LRRC28: variants seen among roughly 807,000 people sequenced by gnomAD.
LRRC28 encodes leucine rich repeat containing 28, also known as leucine-rich repeat-containing protein 28.
LRRC28 carries 39 observed loss-of-function variants against 45.7 expected under a neutral mutation model. That is an observed-to-expected ratio of 0.85 (90% CI 0.66 to 1.12). The LOEUF (loss-of-function observed/expected upper bound fraction) is 1.12, where lower values mean the gene tolerates loss of function less well. Among genes scored for constraint, LRRC28 ranks in the 50% most tolerant of loss-of-function variants. LRRC28 has a pLI of 0.00. For synonymous variants in LRRC28, 206 were observed against 178.8 expected, an observed-to-expected ratio of 1.15 and a Z score of -1.22; for missense variants, 435 against 438.5, an observed-to-expected ratio of 0.99 and a Z score of 0.07.
At chr15:99,366,395 C>G (rs1199671842) in intron 9 of LRRC28, among the ~76,000 whole-genome samples, 3 of 152,144 alleles carry the variant, frequency 2.0e-5, no homozygotes, top group African/African-American at 7.2e-5. Context: ...CTCATCTTAC[C>G]TAACTATTAT....
At chr15:99,381,539 G>A (rs1175576338) in intron 9 of LRRC28, among the ~76,000 whole-genome samples, 1 of 152,230 alleles carries the variant, frequency 6.6e-6, no homozygotes, top group Non-Finnish European at 1.5e-5. Context: ...ACTCGTCAAA[G>A]TCATTCTCCA....
intron 5 of LRRC28, among the ~76,000 whole-genome samples, chr15:99,292,558 GT>G: frequency 6.6e-6 from 1 of 151,756 alleles, no homozygotes; most frequent in South Asian, 2.1e-4. Context: ...TAGAGACGGG[GT>G]TTCACCTTGT....
intron 5 of LRRC28, among the ~76,000 whole-genome samples, chr15:99,302,493 A>G (rs1054841126): frequency 1.3e-5 from 2 of 152,110 alleles, no homozygotes; most frequent in South Asian, 2.1e-4. Flanking sequence ...GGTTCAAGCA[A>G]TTCTCCTGCC....
At chr15:99,288,894 A>T (rs988894034) in intron 5 of LRRC28, among the ~76,000 whole-genome samples, 1 of 151,490 alleles carries the variant, frequency 6.6e-6, no homozygotes, top group Non-Finnish European at 1.5e-5. Context: ...TGGCTAGGCT[A>T]GTCTCAAACT....
At chr15:99,282,177 G>T (rs187800807) in intron 3 of LRRC28, among the ~76,000 whole-genome samples, 9,960 of 98,632 alleles carry the variant, frequency 0.1, 962 homozygotes, top group East Asian at 0.33. Context: ...ATTTTTGGAG[G>T]TTTTTTTTTT....
intron 3 of LRRC28, chr15:99,285,052 A>G: frequency 1.5e-6 from 1 of 663,064 alleles, no homozygotes. Context: ...GGCTTTCCTG[A>G]CTTCACAGTT....
chr15:99,258,040 G>C, intron 2 of LRRC28: 1 of 1,251,408 alleles, frequency 8.0e-7, no homozygotes, highest in East Asian at 2.3e-5. Flanking sequence ...AGTGTGATAA[G>C]GTGAAGAACC....
rs183922308 is a variant in LRRC28, at chr15:99,358,753, A to G, written c.696-2583A>G. Among the ~76,000 whole-genome samples the G allele has an allele frequency of 3.9e-5, 6 of 152,266 alleles. No individual in the cohort carries two copies. In the East Asian group the frequency reaches 1.2e-3, roughly 29 times the overall value. On this transcript the variant is annotated intron_variant, in intron 7 of 9. Coordinates refer to ENST00000301981, the MANE Select transcript of LRRC28 (RefSeq NM_144598.5). The stretch of plus-strand genomic sequence containing the variant: ...AAAAAGCTATGTCCTATTTTATATT[A>G]TATAACCAAGTAAGACAAATAGATA...
At chr15:99,291,475 C>A (rs1021344073) in intron 5 of LRRC28, among the ~76,000 whole-genome samples, 4 of 152,126 alleles carry the variant, frequency 2.6e-5, no homozygotes, top group Non-Finnish European at 5.9e-5. Context: ...AAGCACACGT[C>A]CCCTAAATGC....
chr15:99,339,207 T>A (rs187330683), intron 6 of LRRC28, among the ~76,000 whole-genome samples: 2 of 152,348 alleles, frequency 1.3e-5, no homozygotes, highest in Admixed American at 1.3e-4. Flanking sequence ...ATTGCATAAT[T>A]AATAAGTCCA....
chr15:99,298,463 T>C (rs557171177), intron 5 of LRRC28, among the ~76,000 whole-genome samples: 84 of 152,198 alleles, frequency 5.5e-4, no homozygotes, highest in Non-Finnish European at 1.0e-3. Flanking sequence ...ACTTCCAGGA[T>C]GCTCTCTCTC....
At chr15:99,357,954 A>C (rs1376794560) in intron 7 of LRRC28, among the ~76,000 whole-genome samples, 1 of 152,144 alleles carries the variant, frequency 6.6e-6, no homozygotes, top group Non-Finnish European at 1.5e-5. Context: ...CCATCTGTCT[A>C]ATGCAATAAG....
intron 5 of LRRC28, among the ~76,000 whole-genome samples, chr15:99,299,786 A>C (rs555345472): frequency 4.6e-5 from 7 of 152,358 alleles, no homozygotes; most frequent in Admixed American, 3.9e-4. Flanking sequence ...TTTTATTAAA[A>C]ATTGACATTT....
chr15:99,319,077 A>T (rs1033764609), intron 5 of LRRC28, among the ~76,000 whole-genome samples: 7 of 152,146 alleles, frequency 4.6e-5, no homozygotes, highest in South Asian at 2.1e-4. Flanking sequence ...TAAAATAGAG[A>T]TTACTTTTAC....
At chr15:99,346,291 C>T (rs143037414) in intron 6 of LRRC28, among the ~76,000 whole-genome samples, 329 of 152,350 alleles carry the variant, frequency 2.2e-3, no homozygotes, top group African/African-American at 7.3e-3. Flanking sequence ...ATCTTTCTGC[C>T]TCAGCCTCCT....
intron 1 of LRRC28, 79 bp from the exon 2 acceptor site, chr15:99,255,819 G>C: frequency 1.3e-6 from 1 of 761,388 alleles, no homozygotes; most frequent in East Asian, 2.9e-5. Flanking sequence ...TCTTCAAGTG[G>C]CTCTGTGTGC....
intron 9 of LRRC28, among the ~76,000 whole-genome samples, chr15:99,382,872 C>A (rs951137998): frequency 6.6e-6 from 1 of 151,882 alleles, no homozygotes; most frequent in South Asian, 2.1e-4. Flanking sequence ...TCTAGTATAT[C>A]AGTTGCTGAG....
At chr15:99,377,945 T>A (rs892585673) in intron 9 of LRRC28, among the ~76,000 whole-genome samples, 4 of 152,108 alleles carry the variant, frequency 2.6e-5, no homozygotes, top group Non-Finnish European at 5.9e-5. Flanking sequence ...GGTTACTATA[T>A]CCTTGTATTA....
chr15:99,356,511 G>A (rs1210024190), intron 7 of LRRC28, among the ~76,000 whole-genome samples: 1 of 152,108 alleles, frequency 6.6e-6, no homozygotes, highest in Non-Finnish European at 1.5e-5. Flanking sequence ...ACATAGAAAA[G>A]ACATTGAAAA....
Sources: gnomAD v4.1 joint callset for allele counts (sites outside exome capture counted in the v4.1 genomes callset) on GRCh38, gnomAD v4.1.1 for gene constraint, MANE v1.5 for transcripts, NCBI Gene and HGNC (gene_info 2026-07-23, HGNC 2026-07-21) for gene names.